ZNF385D: variants seen among roughly 807,000 people sequenced by gnomAD.
ZNF385D encodes zinc finger protein 385D, also known as zinc finger protein 659.
Under a neutral mutation model 35.8 loss-of-function variants are expected in ZNF385D, and 15 were observed. The observed-to-expected ratio is 0.42, with a 90% confidence interval of 0.28 to 0.64. The LOEUF (loss-of-function observed/expected upper bound fraction) is 0.64, where lower values mean the gene tolerates loss of function less well. Ranked by LOEUF, ZNF385D falls within the 30% of genes least tolerant of loss-of-function variation. ZNF385D has a pLI of 0.23. For missense variants in ZNF385D, 474 were observed against 494.6 expected (o/e 0.96, Z 0.39); for synonymous variants, 212 against 186.8 (o/e 1.13, Z -1.10).
intron 3 of ZNF385D, among the ~76,000 whole-genome samples, chr3:22,021,217 A>T (rs567355040): frequency 6.6e-6 from 1 of 152,102 alleles, no homozygotes; most frequent in African/African-American, 2.4e-5. Flanking sequence ...TCGATACATG[A>T]AACAAAATAG....
chr3:22,004,897 C>T (rs13068226), intron 3 of ZNF385D, among the ~76,000 whole-genome samples: 1 of 151,686 alleles, frequency 6.6e-6, no homozygotes, highest in Admixed American at 6.6e-5. Flanking sequence ...ATGTGTAAAA[C>T]CAAGCTGTGC....
intron 3 of ZNF385D, among the ~76,000 whole-genome samples, chr3:21,767,532 C>A (rs1017914318): frequency 6.6e-6 from 1 of 152,022 alleles, no homozygotes; most frequent in African/African-American, 2.4e-5. Context: ...GACTAAGACT[C>A]CTGAAGACAG....
chr3:21,963,869 G>C (rs553978360), intron 3 of ZNF385D, among the ~76,000 whole-genome samples: 1 of 151,902 alleles, frequency 6.6e-6, no homozygotes, highest in Non-Finnish European at 1.5e-5. Flanking sequence ...AAAATAAAAA[G>C]AAAAATTCAG....
chr3:21,541,945 G>A (rs775499007), intron 3 of ZNF385D, among the ~76,000 whole-genome samples: 131 of 152,244 alleles, frequency 8.6e-4, no homozygotes, highest in Non-Finnish European at 1.2e-3. Context: ...TGGGCAACTG[G>A]TTTTCATCAA....
rs561441163 is a variant in ZNF385D, at chr3:22,175,524, A to G, written c.107-6489T>C. On this transcript the variant is annotated intron_variant, in intron 2 of 5. Coordinates refer to the ZNF385D transcript ENST00000494108. ...CACACATTGCCATTCAAAGTTGCCC[A>G]TGCAGGATTTAAGTTAAATTGCTTC... Among the ~76,000 whole-genome samples, 11 of 152,196 alleles carry G rather than the reference A, an allele frequency of 7.2e-5. No individual in the cohort carries two copies. The South Asian group carries it at 2.1e-3, about 29-fold the overall frequency.
intron 3 of ZNF385D, among the ~76,000 whole-genome samples, chr3:22,111,152 A>ATTTTTTTTTTTTTTTTTTTT (rs61708178): frequency 5.8e-5 from 4 of 68,976 alleles, no homozygotes; most frequent in South Asian, 5.6e-4. Context: ...TCCATGTTGG[A>ATTTTTTTTTTTTTTTTTTTT]TTTTTTTTTT....
At chr3:22,311,171 T>C (rs115325417) in intron 2 of ZNF385D, among the ~76,000 whole-genome samples, 1,682 of 152,096 alleles carry the variant, frequency 0.011, 29 homozygotes, top group African/African-American at 0.037. Context: ...AAAGAATAAA[T>C]AGTATTTATT....
rs555966090 is a variant in ZNF385D, at chr3:22,087,105, G to C, written c.325+81712C>G. On this transcript the variant is annotated intron_variant, in intron 3 of 5. Transcript: ENST00000494108. ...AAAGAAAAAAAGAATTTTCTGATCG[G>C]AGCATGTTAATTAGAAAAGTGTGTA... Among the ~76,000 whole-genome samples the C allele has an allele frequency of 6.5e-4, 99 of 152,224 alleles. 1 individual carries two copies. The highest frequency in any genetic ancestry group is 2.3e-3 in the African/African-American group (94 of 41,534).
At chr3:21,725,425 T>C (rs752122568) in intron 1 of ZNF385D, among the ~76,000 whole-genome samples, 4 of 152,002 alleles carry the variant, frequency 2.6e-5, no homozygotes, top group African/African-American at 9.7e-5. Context: ...ACAAAATAGA[T>C]AGACCGCTAG....
intron 3 of ZNF385D, among the ~76,000 whole-genome samples, chr3:22,003,028 C>A (rs1396368342): frequency 6.6e-6 from 1 of 152,068 alleles, no homozygotes; most frequent in Admixed American, 6.5e-5. Flanking sequence ...AAAAGGATGC[C>A]CACTCTTACC....
intron 3 of ZNF385D, among the ~76,000 whole-genome samples, chr3:21,969,781 C>T (rs1336736286): frequency 8.0e-6 from 1 of 124,564 alleles, no homozygotes; most frequent in Non-Finnish European, 1.7e-5. Flanking sequence ...GGGTCTGACT[C>T]AGCATAGTTC....
At chr3:21,566,378 A>ACTT (rs766397189) in intron 2 of ZNF385D, among the ~76,000 whole-genome samples, 7 of 152,106 alleles carry the variant, frequency 4.6e-5, no homozygotes, top group Non-Finnish European at 1.0e-4. Flanking sequence ...TAATCCCAGC[A>ACTT]CTTTGGGAAG....
intron 3 of ZNF385D, among the ~76,000 whole-genome samples, chr3:21,969,431 G>A (rs1703107257): frequency 6.6e-6 from 1 of 152,164 alleles, no homozygotes; most frequent in Admixed American, 6.5e-5. Context: ...GACACCTTGA[G>A]AAGGAGGTCC....
At chr3:21,726,042 T>C (rs1176712308) in intron 1 of ZNF385D, among the ~76,000 whole-genome samples, 3 of 152,112 alleles carry the variant, frequency 2.0e-5, no homozygotes, top group African/African-American at 7.2e-5. Flanking sequence ...TCAATATACA[T>C]AATCCATCAC....
chr3:21,778,679 G>T (rs1188316054), intron 3 of ZNF385D, among the ~76,000 whole-genome samples: 1 of 151,340 alleles, frequency 6.6e-6, no homozygotes, highest in Non-Finnish European at 1.5e-5. Context: ...TACAAAAAGA[G>T]GACTATATTT....
At position 21,573,333 on chromosome 3, in the gene ZNF385D, A is replaced by C. The variant is rs1171227422; in HGVS notation, c.166-8649T>G. Among the ~76,000 whole-genome samples, 3 of 152,330 alleles carry C rather than the reference A, an allele frequency of 2.0e-5. No individual in the cohort carries two copies. The East Asian group carries it at 5.8e-4, about 29-fold the overall frequency. ...GTAAAAATACAAAATGTACTGGTTA[A>C]AGTGAAAATAAAATTTAAAATAACA... On this transcript the variant is annotated intron_variant, in intron 2 of 7. Coordinates refer to ENST00000281523, the MANE Select transcript of ZNF385D (RefSeq NM_024697.3).
intron 1 of ZNF385D, among the ~76,000 whole-genome samples, chr3:21,699,018 A>C (rs952486962): frequency 7.9e-5 from 12 of 152,210 alleles, no homozygotes; most frequent in African/African-American, 2.9e-4. Flanking sequence ...AAATCATTCT[A>C]CTATAAAGAC....
At chr3:21,848,173 A>G (rs1392641622) in intron 3 of ZNF385D, among the ~76,000 whole-genome samples, 4 of 151,970 alleles carry the variant, frequency 2.6e-5, no homozygotes, top group Non-Finnish European at 4.4e-5. Context: ...ATATTGCAGG[A>G]TTTCCTTTTT....
Position 21,414,133 on chromosome 3 carries a change from T to C in ZNF385D, c.*7081A>G, listed in dbSNP as rs1004923020. On this transcript the variant is annotated 3_prime_UTR_variant, in exon 8 of 8. Transcript: ENST00000281523. ...ATTGACTAAGTTTCATGTGCTAGGA[T>C]ATAACTTATTTTTCTCACCTAGGCT... 1.3e-5 allele frequency: 2 copies of C among 152,080 alleles called. No individual in the cohort carries two copies. The highest frequency in any genetic ancestry group is 6.6e-5 in the Admixed American group (1 of 15,250). The allele number at this position is 152,080 out of a possible 1,614,324, so 9.4% of individuals were successfully genotyped here.
Sources: gnomAD v4.1 joint callset for allele counts (sites outside exome capture counted in the v4.1 genomes callset) on GRCh38, gnomAD v4.1.1 for gene constraint, MANE v1.5 for transcripts, NCBI Gene and HGNC (gene_info 2026-07-23, HGNC 2026-07-21) for gene names.